The following NDUFAF7 variants were observed in gnomAD, a reference collection of about 807,000 sequenced individuals.
The protein encoded by NDUFAF7 is NADH:ubiquinone oxidoreductase complex assembly factor 7.
NDUFAF7 carries 48 observed loss-of-function variants against 47.2 expected under a neutral mutation model. The ratio of observed to expected loss-of-function variants is 1.02; its 90% CI spans 0.81 to 1.29. The LOEUF (loss-of-function observed/expected upper bound fraction) is 1.29, where lower values mean the gene tolerates loss of function less well. NDUFAF7 is among the 50% of genes most tolerant of loss of function. NDUFAF7 has a pLI of 0.00. For synonymous variants in NDUFAF7, 217 were observed against 190.0 expected (o/e 1.14, Z -1.17); for missense variants, 635 against 537.6 (o/e 1.18, Z -1.79).
intron 5 of NDUFAF7, chr2:37,242,267 G>A (rs891432898): frequency 7.6e-6 from 2 of 262,538 alleles, no homozygotes; most frequent in Non-Finnish European, 1.5e-5. Context: ...CAAAGTGGGG[G>A]TACGATCTTG....
rs200563103 is a variant in NDUFAF7, at chr2:37,237,855, A to T, written c.396A>T (p.Gly132=). 3.7e-6 allele frequency: 6 copies of T among 1,604,096 alleles called. No individual in the cohort carries two copies. The East Asian group carries it at 1.3e-4, about 36-fold the overall frequency. The change falls in exon 4 of 10, where the codon GGA becomes GGT. Residue 132 remains glycine, a synonymous_variant. Transcript: ENST00000002125. ...GCCCAGGTAGGGGAACCCTCGTGGGAGATATTTTGAGGGTAGGTAATAAAA... is the reference window on the plus strand; with the variant it reads ...GCCCAGGTAGGGGAACCCTCGTGGGTGATATTTTGAGGGTAGGTAATAAAA... ...ELGPGRGTLV[G]DILRVFTQLG... is the part of the protein sequence containing the mutation.
the NDUFAF7 span, among the ~76,000 whole-genome samples, chr2:37,259,052 G>GGGA: frequency 6.7e-5 from 10 of 148,776 alleles, no homozygotes; most frequent in South Asian, 2.1e-4. Context: ...TGAACACTTG[G>GGGA]AAAAAAAAAA....
downstream of NDUFAF7, chr2:37,253,295 T>A (rs1244168548): frequency 6.2e-7 from 1 of 1,613,132 alleles, no homozygotes; most frequent in African/African-American, 1.3e-5. Flanking sequence ...ATGTGTAATG[T>A]AACGTTCTCC....
At chr2:37,253,405 C>A, downstream of NDUFAF7, 1 of 1,483,676 alleles carries the variant, frequency 6.7e-7, no homozygotes, top group Non-Finnish European at 9.1e-7. Context: ...TACTGTCAAC[C>A]TGGTTTTTGT....
chr2:37,257,666 CAAAAGAAAAAAAAAA>C (rs1260841867), downstream of NDUFAF7, among the ~76,000 whole-genome samples: 4 of 62,436 alleles, frequency 6.4e-5, no homozygotes, highest in Middle Eastern at 0.011. Context: ...GACTCTGTCT[CAAAAGAAAAAAAAAA>C]AAAAAAAAAA....
the NDUFAF7 span, among the ~76,000 whole-genome samples, chr2:37,262,961 C>T: frequency 6.1e-5 from 9 of 148,356 alleles, no homozygotes; most frequent in South Asian, 2.3e-4. Flanking sequence ...CTTAGGATGG[C>T]CATTTTATTT....
the NDUFAF7 span, among the ~76,000 whole-genome samples, chr2:37,260,032 G>A: frequency 6.6e-6 from 1 of 152,012 alleles, no homozygotes; most frequent in Non-Finnish European, 1.5e-5. Flanking sequence ...AGGCGTGGTG[G>A]CACACATCTG....
At chr2:37,256,619 A>G (rs1667961037), downstream of NDUFAF7, 8 of 1,469,560 alleles carry the variant, frequency 5.4e-6, no homozygotes, top group Middle Eastern at 2.4e-4. Context: ...CTTAAAACAC[A>G]TAGCCAAAAT....
At position 37,232,143 on chromosome 2, in the gene NDUFAF7, C is replaced by T. The variant is rs745313848; in HGVS notation, c.93C>T (p.Ser31=). ...TTTGGAGAGGGAAATACTTCAGCTC[C>T]GGGAATGAGCCTGCAGAAAACCCGG... ...PFIWRGKYFS[S]GNEPAENPVT... Residue 31 remains serine, a synonymous_variant, in exon 2 of 10, where the codon TCC becomes TCT. Transcript: ENST00000002125. The T allele has an allele frequency of 1.2e-6, 2 of 1,614,186 alleles. No homozygotes were observed. The highest frequency in any genetic ancestry group is 1.1e-5 in the South Asian group (1 of 91,076).
At chr2:37,234,659 T>C (rs191676280) in intron 2 of NDUFAF7, among the ~76,000 whole-genome samples, 5 of 152,194 alleles carry the variant, frequency 3.3e-5, no homozygotes, top group African/African-American at 1.2e-4. Flanking sequence ...TGGGAGTGAC[T>C]TGATTTATTT....
chr2:37,241,941 A>G, intron 5 of NDUFAF7, 150 bp downstream of exon 5: 1 of 655,204 alleles, frequency 1.5e-6, no homozygotes, highest in Non-Finnish European at 2.6e-6. Flanking sequence ...TTTCTAGAAA[A>G]GAGCATCTTA....
At chr2:37,268,854 G>C in the NDUFAF7 span, 1 of 153,664 alleles carries the variant, frequency 6.5e-6, no homozygotes, top group East Asian at 1.9e-4. Flanking sequence ...AAGAAAACTG[G>C]CTATGAATCT....
chr2:37,236,064 ATT>A, intron 2 of NDUFAF7, 30 bp from the exon 3 acceptor site: 1 of 1,540,146 alleles, frequency 6.5e-7, no homozygotes, highest in Non-Finnish European at 9.0e-7. Flanking sequence ...TTGAAAATTA[ATT>A]TTGTTTCTCT....
chr2:37,265,786 A>G, the NDUFAF7 span, among the ~76,000 whole-genome samples: 16 of 152,348 alleles, frequency 1.1e-4, no homozygotes, highest in Middle Eastern at 3.4e-3. Flanking sequence ...CAGTTTGGGC[A>G]ATATTGATGA....
chr2:37,261,755 G>A, the NDUFAF7 span, among the ~76,000 whole-genome samples: 6 of 152,114 alleles, frequency 3.9e-5, no homozygotes, highest in Non-Finnish European at 7.3e-5. Flanking sequence ...ACTCTAGCCT[G>A]GGCAACAAGA....
chr2:37,244,024 G>A, intron 7 of NDUFAF7, 51 bp downstream of exon 7: 1 of 1,431,112 alleles, frequency 7.0e-7, no homozygotes, highest in East Asian at 2.4e-5. Flanking sequence ...AATCTTCAAA[G>A]TCTTATTTTC....
intron 6 of NDUFAF7, among the ~76,000 whole-genome samples, chr2:37,243,614 G>A (rs1213139954): frequency 2.6e-5 from 4 of 152,128 alleles, no homozygotes; most frequent in Admixed American, 6.5e-5. Context: ...GTCTATTTCC[G>A]TTTTTGGGGT....
intron 2 of NDUFAF7, among the ~76,000 whole-genome samples, chr2:37,234,893 G>T (rs553301059): frequency 2.0e-5 from 3 of 152,194 alleles, no homozygotes; most frequent in Non-Finnish European, 4.4e-5. Context: ...TTTAATTCTG[G>T]AGTGAGACTG....
chr2:37,238,510 G>T (rs188990938), intron 4 of NDUFAF7, among the ~76,000 whole-genome samples: 2 of 151,802 alleles, frequency 1.3e-5, no homozygotes, highest in African/African-American at 4.8e-5. Context: ...TAGCACTTTG[G>T]GGGGCCAAGG....
Sources: allele counts gnomAD v4.1 joint callset (sites outside exome capture counted in the v4.1 genomes callset), GRCh38; gene constraint gnomAD v4.1.1; transcripts MANE v1.5; gene names NCBI Gene and HGNC (gene_info 2026-07-23, HGNC 2026-07-21).